Variants in BBS7 observed in about 807,000 individuals in gnomAD.
BBS7 encodes BBSome complex member BBS7.
A neutral mutation model predicts 90.3 loss-of-function variants in BBS7; 50 were observed. The observed-to-expected ratio is 0.55, with a 90% CI of 0.44 to 0.70. The LOEUF (loss-of-function observed/expected upper bound fraction) is 0.70, where lower values mean the gene tolerates loss of function less well. BBS7 is among the 30% of genes least tolerant of loss of function. The pLI is 0.00. For missense variants in BBS7, 729 were observed against 838.9 expected, an observed-to-expected ratio of 0.87 and a Z score of 1.62; for synonymous variants, 235 against 287.4, an observed-to-expected ratio of 0.82 and a Z score of 1.85.
intron 1 of BBS7, among the ~76,000 whole-genome samples, chr4:121,869,930 G>A (rs918206465): frequency 6.6e-6 from 1 of 152,224 alleles, no homozygotes; most frequent in African/African-American, 2.4e-5. Context: ...GGTCCGGGTA[G>A]AGATGGAGAT....
intron 12 of BBS7, among the ~76,000 whole-genome samples, chr4:121,841,282 T>C (rs1420825585): frequency 1.3e-5 from 2 of 151,918 alleles, no homozygotes; most frequent in African/African-American, 4.8e-5. Context: ...GGGCTGGGCA[T>C]GGTGGCTCAC....
intron 11 of BBS7, among the ~76,000 whole-genome samples, chr4:121,845,222 G>A (rs1725942875): frequency 6.6e-6 from 1 of 152,026 alleles, no homozygotes; most frequent in Admixed American, 6.5e-5. Flanking sequence ...TACAAAATTA[G>A]CCAGGTGTGG....
At chr4:121,851,379 G>GA (rs34225067) in intron 8 of BBS7, among the ~76,000 whole-genome samples, 41,284 of 106,768 alleles carry the variant, frequency 0.39, 7,193 homozygotes, top group East Asian at 0.5. Context: ...CAAGGAGCAG[G>GA]AAAAAAAAAA....
In BBS7 at chr4:121,870,308, A is replaced by G; in HGVS notation, c.6T>C (p.Asp2=). The change falls in exon 1 of 19, where the codon GAT becomes GAC. Residue 2 remains aspartate, a synonymous_variant. Coordinates refer to ENST00000264499, the MANE Select transcript of BBS7 (RefSeq NM_176824.3). The stretch of plus-strand genomic sequence containing the variant: ...GATAATCCATTCGGTTTAAAATCAG[A>G]TCCATGATGACTACGCGGAGGGGCT... The part of the protein sequence containing the change: M[D]LILNRMDYLQ... 2 of 1,614,134 alleles carry G rather than the reference A, an allele frequency of 1.2e-6. No homozygotes were observed. Among genetic ancestry groups the G allele is most frequent in the Non-Finnish European group, 1.7e-6 (2 of 1,179,988 alleles).
intron 2 of BBS7, among the ~76,000 whole-genome samples, chr4:121,863,583 GGTT>G (rs1727101435): frequency 6.6e-6 from 1 of 152,008 alleles, no homozygotes; most frequent in Non-Finnish European, 1.5e-5. Context: ...TCCACATGCA[GGTT>G]GTTACGAAGG....
chr4:121,837,050 C>G (rs1320413151), intron 13 of BBS7, among the ~76,000 whole-genome samples: 2 of 152,022 alleles, frequency 1.3e-5, no homozygotes, highest in Non-Finnish European at 1.5e-5. Flanking sequence ...ACCTCCGTCT[C>G]CTGGGTTCAA....
At chr4:121,827,981 G>A (rs974511592) in intron 18 of BBS7, 165 bp downstream of exon 18, 25 of 1,455,134 alleles carry the variant, frequency 1.7e-5, no homozygotes, top group African/African-American at 2.8e-5. Flanking sequence ...ACAAAATACA[G>A]AAATATTCTG....
intron 12 of BBS7, among the ~76,000 whole-genome samples, chr4:121,841,120 A>G (rs1053486113): frequency 3.3e-5 from 5 of 152,180 alleles, no homozygotes; most frequent in Non-Finnish European, 7.3e-5. Flanking sequence ...GATTACACGT[A>G]TGAGCCACGG....
rs572606429 is a variant in BBS7, at chr4:121,866,808, G to A, written c.102+1173C>T. Among the ~76,000 whole-genome samples the A allele has an allele frequency of 3.9e-5, 6 of 152,224 alleles. No homozygotes were observed. The South Asian group carries it at 1.2e-3, about 32-fold the overall frequency. On this transcript the variant is annotated intron_variant, in intron 2 of 18. Coordinates refer to ENST00000264499, the MANE Select transcript of BBS7 (RefSeq NM_176824.3). ...TCTGTGTCTCTGTGTTTTTATGCCA[G>A]TATTATGCTGTTTTGGTTACTACAG...
rs373658912 is a variant in BBS7 at position 121,855,510 on chromosome 4, C to T, written c.580G>A (p.Ala194Thr). 1.9e-6 allele frequency: 3 copies of T among 1,613,584 alleles called. No individual in the cohort carries two copies. Among genetic ancestry groups the T allele is most frequent in the Non-Finnish European group, 2.5e-6 (3 of 1,179,718 alleles). ...TTACCGCCATTTCCATTGTGTAGTGCTAAGACAGTAGGGGGTCCAGGAACT... is the reference window on the plus strand; with the variant it reads ...TTACCGCCATTTCCATTGTGTAGTGTTAAGACAGTAGGGGGTCCAGGAACT... ...VEVPGPPTVL[A>T]LHNGNGGDSG... The change falls in exon 6 of 19, where the codon GCA (alanine) becomes ACA (threonine). Residue 194 changes from alanine to threonine, a missense_variant. Coordinates refer to ENST00000264499, the MANE Select transcript of BBS7 (RefSeq NM_176824.3).
In BBS7 at chr4:121,830,922, T is replaced by C. The variant is rs554093585; in HGVS notation, c.1677-2194A>G. On this transcript the variant is annotated intron_variant, in intron 15 of 18. Transcript: ENST00000264499. ...AGAAATAAGTTTGTATAAAAATTAT[T>C]AGAGGCCGGGCTTGGTGGCTCATGC... is the stretch of plus-strand genomic sequence containing the variant. Among the ~76,000 whole-genome samples, 5 of 152,320 alleles carry C rather than the reference T, an allele frequency of 3.3e-5. No individual in the cohort carries two copies. In the East Asian group the frequency reaches 9.6e-4, roughly 29 times the overall value.
intron 2 of BBS7, among the ~76,000 whole-genome samples, chr4:121,863,742 CT>C (rs1228107161): frequency 1.3e-5 from 2 of 151,766 alleles, no homozygotes; most frequent in African/African-American, 4.8e-5. Context: ...TTTTAAACAC[CT>C]TTTTTAAAAG....
At chr4:121,860,553 C>T (rs1178029502) in intron 4 of BBS7, among the ~76,000 whole-genome samples, 1 of 152,278 alleles carries the variant, frequency 6.6e-6, no homozygotes, top group East Asian at 1.9e-4. Flanking sequence ...TCTCACACTA[C>T]TATCCATATA....
intron 8 of BBS7, among the ~76,000 whole-genome samples, chr4:121,852,294 T>C (rs1726364808): frequency 6.6e-6 from 1 of 151,980 alleles, no homozygotes; most frequent in East Asian, 1.9e-4. Context: ...TTGTGAACTC[T>C]TTTTTTTCTT....
Position 121,824,820 on chromosome 4 carries a change from CTAA to C in BBS7, c.*1037_*1039del, listed in dbSNP as rs1393391404. The stretch of plus-strand genomic sequence containing the variant: ...AAGAATATACAAAGCTTGCACATAA[CTAA>C]TAAGTATAATAGCATATCATTAAGA... On this transcript the variant is annotated 3_prime_UTR_variant, in exon 19 of 19. Coordinates refer to ENST00000264499, the MANE Select transcript of BBS7 (RefSeq NM_176824.3). The surrounding 1 kb of genome is among the most constrained non-coding windows in gnomAD (Gnocchi z 4.1). The C allele has an allele frequency of 6.6e-6, 1 of 151,828 alleles. No homozygotes were observed. The highest frequency in any genetic ancestry group is 6.6e-5 in the Admixed American group (1 of 15,238). 9.4% of individuals were successfully genotyped at this position (151,828 alleles called of 1,614,324 possible). A position where few individuals can be genotyped will look rare whatever the true frequency, so the allele number is the denominator to read the frequency against.
chr4:121,834,547 T>A (rs1018379816), intron 14 of BBS7, among the ~76,000 whole-genome samples: 1 of 152,230 alleles, frequency 6.6e-6, no homozygotes, highest in African/African-American at 2.4e-5. Context: ...CCATTTCTCA[T>A]TTGTAAAATG....
At chr4:121,828,784 CATATATAT>C in intron 15 of BBS7, 56 bp from the exon 16 acceptor site, 1 of 1,044,282 alleles carries the variant, frequency 9.6e-7, no homozygotes, top group Admixed American at 2.4e-5. Flanking sequence ...TTGTCCAGTA[CATATATAT>C]TTTATGATTA....
chr4:121,834,148 A>C (rs541035954), intron 14 of BBS7, among the ~76,000 whole-genome samples: 1 of 152,344 alleles, frequency 6.6e-6, no homozygotes, highest in South Asian at 2.1e-4. Flanking sequence ...ATAATTATAA[A>C]GAGTTAAGAA....
chr4:121,850,572 C>T (rs936139280), intron 8 of BBS7, among the ~76,000 whole-genome samples: 1 of 152,208 alleles, frequency 6.6e-6, no homozygotes, highest in African/African-American at 2.4e-5. Flanking sequence ...CACACATAAA[C>T]ATATACAGCA....
Sources: gnomAD v4.1 joint callset for allele counts (sites outside exome capture counted in the v4.1 genomes callset) on GRCh38, gnomAD v4.1.1 for gene constraint, Gnocchi (gnomAD v3.1) non-coding constraint, MANE v1.5 for transcripts, NCBI Gene and HGNC (gene_info 2026-07-23, HGNC 2026-07-21) for gene names.